The following FOCAD variants were observed in gnomAD, a reference collection of about 807,000 sequenced individuals.
FOCAD encodes KIAA1797.
Under a neutral mutation model 225.6 loss-of-function variants are expected in FOCAD, and 198 were observed. The ratio of observed to expected loss-of-function variants is 0.88; its 90% CI spans 0.78 to 0.99. The LOEUF (loss-of-function observed/expected upper bound fraction) is 0.99, where lower values mean the gene tolerates loss of function less well. Among genes scored for constraint, FOCAD ranks in the 50% least tolerant of loss-of-function variants. The probability of loss-of-function intolerance (pLI) is 0.00; values close to 1 mark genes in which losing one functional copy is unlikely to be tolerated. For synonymous variants in FOCAD, 897 were observed against 755.0 expected, an observed-to-expected ratio of 1.19 and a Z score of -3.08; for missense variants, 2,713 against 2,123.6, an observed-to-expected ratio of 1.28 and a Z score of -5.46.
chr9:20,991,139 T>C (rs531790935), intron 42 of FOCAD, among the ~76,000 whole-genome samples: 4 of 152,294 alleles, frequency 2.6e-5, no homozygotes, highest in Middle Eastern at 3.4e-3. Context: ...TTAAAACATA[T>C]GACCCAAAAG....
In FOCAD at chr9:20,949,651, T is replaced by C. The variant is rs1461515228; in HGVS notation, c.3924T>C (p.Asn1308=). ...CCTCTCATTTTCAAGGCAGACTTAA[T>C]GAAGTCATTAGAACCTTAACTCAGG... is the stretch of plus-strand genomic sequence containing the variant. ...IQTSHFQGRL[N]EVIRTLTQVI... The change falls in exon 33 of 44, where the codon AAT becomes AAC. Residue 1308 remains asparagine, a synonymous_variant. Coordinates refer to ENST00000338382, the MANE Select transcript of FOCAD (RefSeq NM_001375567.1). 1 of 1,612,984 alleles carries C rather than the reference T, an allele frequency of 6.2e-7. No individual in the cohort carries two copies. Among genetic ancestry groups the C allele is most frequent in the Admixed American group, 1.7e-5 (1 of 59,982 alleles).
chr9:20,829,413 A>T (rs1343329495), intron 15 of FOCAD, among the ~76,000 whole-genome samples: 2 of 135,558 alleles, frequency 1.5e-5, no homozygotes, highest in African/African-American at 5.4e-5. Flanking sequence ...ACTTTTTATT[A>T]TCTGTTTTTT....
chr9:20,929,161 TA>T, intron 26 of FOCAD, 196 bp from the exon 27 acceptor site: 1 of 532,120 alleles, frequency 1.9e-6, no homozygotes, highest in Admixed American at 3.5e-5. Context: ...ATTAATTATT[TA>T]GTAGCAAAAC....
intron 8 of FOCAD, among the ~76,000 whole-genome samples, chr9:20,778,277 C>CT (rs1818993595): frequency 6.6e-6 from 1 of 151,936 alleles, no homozygotes; most frequent in South Asian, 2.1e-4. Context: ...TGGAATCTCG[C>CT]TCTGCCACCC....
In FOCAD at chr9:20,858,789, G is replaced by T. The variant is rs555170706; in HGVS notation, c.1921-3789G>T. On this transcript the variant is annotated intron_variant, in intron 15 of 43. Coordinates refer to ENST00000338382, the MANE Select transcript of FOCAD (RefSeq NM_001375567.1). ...ATCCCATATGTTTTGGTATGTTTGT[G>T]TTCTTCATTTGTTTCAAGGAATTTT... Among the ~76,000 whole-genome samples the T allele has an allele frequency of 9.9e-5, 15 of 151,876 alleles. 2 individuals are homozygous for T. In the East Asian group the frequency reaches 2.1e-3, roughly 22 times the overall value.
chr9:20,845,947 G>A (rs1827061684), intron 15 of FOCAD, among the ~76,000 whole-genome samples: 1 of 152,088 alleles, frequency 6.6e-6, no homozygotes, highest in Admixed American at 6.6e-5. Context: ...TGAAATAAAT[G>A]TGAAAATAGA....
At chr9:20,919,318 T>C (rs1834162307) in intron 24 of FOCAD, among the ~76,000 whole-genome samples, 1 of 152,084 alleles carries the variant, frequency 6.6e-6, no homozygotes, top group African/African-American at 2.4e-5. Context: ...TAAAAGACGA[T>C]ACAAACAAAT....
rs150042051 is a variant in FOCAD at position 20,750,117 on chromosome 9, T to C, written c.393-7973T>C. Among the ~76,000 whole-genome samples, 428 of 152,276 alleles carry C rather than the reference T, an allele frequency of 2.8e-3. 3 individuals carry two copies. The highest frequency in any genetic ancestry group is 9.6e-3 in the African/African-American group (399 of 41,558). On this transcript the variant is annotated intron_variant, in intron 5 of 43. Transcript: ENST00000338382. ...TTTCTTCTCTGAACAGTGTTGACTT[T>C]GGGACAATGTGCTAGAGGGACTGTG...
intron 1 of FOCAD, among the ~76,000 whole-genome samples, chr9:20,706,807 G>A (rs1824427126): frequency 6.6e-6 from 1 of 152,154 alleles, no homozygotes; most frequent in Non-Finnish European, 1.5e-5. Context: ...GTAATAGTTG[G>A]AGTTCCAGGT....
intron 1 of FOCAD, among the ~76,000 whole-genome samples, chr9:20,687,671 C>A (rs987831065): frequency 6.6e-6 from 1 of 152,158 alleles, no homozygotes; most frequent in South Asian, 2.1e-4. Context: ...TTTTTAAAGA[C>A]TCATAGTTAT....
At chr9:20,930,107 T>A (rs572389470) in intron 27 of FOCAD, among the ~76,000 whole-genome samples, 1 of 152,306 alleles carries the variant, frequency 6.6e-6, no homozygotes, top group South Asian at 2.1e-4. Flanking sequence ...TGGCCACATT[T>A]TTATAATCCT....
chr9:20,879,064 C>G (rs1030888478), intron 19 of FOCAD, among the ~76,000 whole-genome samples: 6 of 152,108 alleles, frequency 3.9e-5, no homozygotes, highest in African/African-American at 1.2e-4. Context: ...ACATACTAAT[C>G]TCCTCTGGAA....
At chr9:20,723,594 C>G (rs564115426) in intron 4 of FOCAD, among the ~76,000 whole-genome samples, 6 of 152,124 alleles carry the variant, frequency 3.9e-5, no homozygotes, top group Non-Finnish European at 7.3e-5. Flanking sequence ...TTTTATCCCC[C>G]CTGTGGAAGA....
At chr9:20,819,998 C>A in intron 12 of FOCAD, 98 bp downstream of exon 12, 1 of 680,444 alleles carries the variant, frequency 1.5e-6, no homozygotes, top group Non-Finnish European at 2.5e-6. Context: ...CTAAATTTTG[C>A]CATAGTCACT....
chr9:20,992,911 C>T (rs996579091), intron 42 of FOCAD, among the ~76,000 whole-genome samples: 9 of 151,374 alleles, frequency 5.9e-5, no homozygotes, highest in South Asian at 2.1e-4. Context: ...TGCAGTGAGC[C>T]GAGATTGCGC....
At chr9:20,791,883 CAA>C (rs1050201980) in intron 11 of FOCAD, among the ~76,000 whole-genome samples, 9 of 152,010 alleles carry the variant, frequency 5.9e-5, no homozygotes, top group African/African-American at 2.2e-4. Flanking sequence ...GCAAAATAGG[CAA>C]AAAATGTAAA....
rs1554731259 is a variant in FOCAD, at chr9:20,938,566, C to CAA, written c.3407+5463_3407+5464insAA. ...GACACAGGAAGCGGAACATCACACA[C>CAA]GGGGGCCTGTTGTGGGGTGGGGGGA... On this transcript the variant is annotated intron_variant, in intron 28 of 43. Transcript: ENST00000338382. Among the ~76,000 whole-genome samples, 3 of 97,504 alleles carry CAA rather than the reference C, an allele frequency of 3.1e-5. No homozygotes were observed. In the East Asian group the frequency reaches 9.8e-4, roughly 32 times the overall value. The allele number at this position is 97,504 out of a possible 152,430, so 64.0% of individuals were successfully genotyped here. A position where few individuals can be genotyped will look rare whatever the true frequency, so the allele number is the denominator to read the frequency against.
chr9:20,851,616 T>G (rs894032893), intron 15 of FOCAD, among the ~76,000 whole-genome samples: 1 of 151,888 alleles, frequency 6.6e-6, no homozygotes, highest in Admixed American at 6.6e-5. Flanking sequence ...GCAGCTTCTG[T>G]GTCACCTGGC....
chr9:20,874,606 A>T, intron 18 of FOCAD, 75 bp from the exon 19 acceptor site: 1 of 1,520,236 alleles, frequency 6.6e-7, no homozygotes, highest in Non-Finnish European at 8.9e-7. Flanking sequence ...TCTTGTCACA[A>T]AAAAGGATAC....
Sources: gnomAD v4.1 joint callset for allele counts (sites outside exome capture counted in the v4.1 genomes callset) on GRCh38, gnomAD v4.1.1 for gene constraint, MANE v1.5 for transcripts, NCBI Gene and HGNC (gene_info 2026-07-23, HGNC 2026-07-21) for gene names.